STK40: variants seen among roughly 807,000 people sequenced by gnomAD.
STK40 encodes the protein serine/threonine kinase 40.
Under a neutral mutation model 47.9 loss-of-function variants are expected in STK40, and 13 were observed. That is an observed-to-expected ratio of 0.27 (90% CI 0.18 to 0.43). The LOEUF (loss-of-function observed/expected upper bound fraction) is 0.43. STK40 is among the 20% of genes least tolerant of loss of function. STK40 has a pLI of 1.00. For synonymous variants in STK40, 225 were observed against 243.2 expected (o/e 0.93, Z 0.69); for missense variants, 460 against 595.1 (o/e 0.77, Z 2.36).
intron 1 of STK40, among the ~76,000 whole-genome samples, chr1:36,371,903 CAGG>C (rs1300783551): frequency 3.3e-5 from 5 of 149,910 alleles, no homozygotes; most frequent in African/African-American, 9.9e-5. Context: ...GAGGCTGAGG[CAGG>C]AGAATTGCTT....
Position 36,341,824 on chromosome 1 carries a change from C to A in STK40, c.1239G>T (p.Leu413=). The A allele has an allele frequency of 3.1e-6, 5 of 1,613,458 alleles. No individual in the cohort carries two copies. Among genetic ancestry groups the A allele is most frequent in the Non-Finnish European group, 4.2e-6 (5 of 1,179,968 alleles). Reference sequence around the variant, plus strand: ...AGGTCATGGGCTGTGCGTCGTGGCCCAGCCGTCGCACCGGTGGTGCGCTGC... The same window carrying A: ...AGGTCATGGGCTGTGCGTCGTGGCCAAGCCGTCGCACCGGTGGTGCGCTGC... ...QFGSAPPVRR[L]GHDAQPMTSL... Residue 413 remains leucine, a synonymous_variant, in exon 11 of 11, where the codon CTG becomes CTT. Transcript: ENST00000373132.
chr1:36,351,367 T>C (rs1438102835), intron 6 of STK40, among the ~76,000 whole-genome samples: 1 of 152,118 alleles, frequency 6.6e-6, no homozygotes, highest in Non-Finnish European at 1.5e-5. Flanking sequence ...AGTGGAGTTA[T>C]AGCCTGGCAT....
chr1:36,345,266 G>C (rs1476691967), intron 7 of STK40, among the ~76,000 whole-genome samples: 1 of 152,224 alleles, frequency 6.6e-6, no homozygotes, highest in East Asian at 1.9e-4. Flanking sequence ...AGGCACCCTA[G>C]CGTCACCTCC....
Position 36,348,805 on chromosome 1 carries a change from T to A in STK40, c.634A>T (p.Ile212Leu). 2 of 1,604,154 alleles carry A rather than the reference T, an allele frequency of 1.2e-6. No individual in the cohort carries two copies. The highest frequency in any genetic ancestry group is 1.7e-6 in the Non-Finnish European group (2 of 1,174,924). Residue 212 changes from isoleucine (I) to leucine (L), a missense_variant, in exon 7 of 11, where the codon ATA (isoleucine) becomes TTA (leucine). Physicochemically the swap from Ile to Leu is conservative, Grantham distance 5. Coordinates refer to ENST00000373132, the MANE Select transcript of STK40 (RefSeq NM_001282547.2). ...CCGAGGCAGAAGTTGGTGATGGTTA[T>A]CCGATGTGTCCTAGGAGTGGGAGAC... ...NMVLNKRTHR[I>L]TITNFCLGKH... is the part of the protein sequence containing the mutation.
rs1304638309 is a variant in STK40, at chr1:36,339,665, G to A, written c.*2090C>T. On this transcript the variant is annotated 3_prime_UTR_variant, in exon 11 of 11. Transcript: ENST00000373132. ...AAGTTTTATTGCTGACATGCAGGAA[G>A]AGTCCCCATGTAGTACAAAAATATG... 2.0e-5 allele frequency: 3 copies of A among 152,728 alleles called. No individual in the cohort carries two copies. Among genetic ancestry groups the A allele is most frequent in the African/African-American group, 7.2e-5 (3 of 41,468 alleles). 9.5% of individuals were successfully genotyped at this position (152,728 alleles called of 1,614,324 possible). A position where few individuals can be genotyped will look rare whatever the true frequency, so the allele number is the denominator to read the frequency against.
At chr1:36,382,119 C>T (rs950836992) in intron 1 of STK40, among the ~76,000 whole-genome samples, 1 of 152,110 alleles carries the variant, frequency 6.6e-6, no homozygotes, top group African/African-American at 2.4e-5. Context: ...TATTCAGGTA[C>T]CAGACTAGGG....
Position 36,361,314 on chromosome 1 carries a change from C to G in STK40, c.19G>C (p.Asp7His). ...GCCGACGTTTCCCCAGCTCCTCTGT[C>G]TGATGCTCTCCGCTTCATTCTCAGC... MKRRAS[D>H]RGAGETSARA... Residue 7 changes from aspartate to histidine, a missense_variant, in exon 2 of 11, where the codon GAC (aspartate) becomes CAC (histidine). Physicochemically the swap from Asp to His is moderately conservative, Grantham distance 81 (BLOSUM62 -1). This residue lies in a region of STK40 where 277 missense variants were observed against 358.7 expected (regional missense o/e 0.77). Transcript: ENST00000373132. 1 of 1,614,260 alleles carries G rather than the reference C, an allele frequency of 6.2e-7. No individual in the cohort carries two copies. Among genetic ancestry groups the G allele is most frequent in the Non-Finnish European group, 8.5e-7 (1 of 1,180,050 alleles).
intron 1 of STK40, among the ~76,000 whole-genome samples, chr1:36,363,084 C>T (rs1646867510): frequency 6.6e-6 from 1 of 151,992 alleles, no homozygotes; most frequent in Non-Finnish European, 1.5e-5. Flanking sequence ...GAACCCAGGA[C>T]ACGGAGTCTA....
chr1:36,365,978 C>T (rs1646898312), intron 1 of STK40: 1 of 152,244 alleles, frequency 6.6e-6, no homozygotes. Context: ...TACCTTCCCT[C>T]CAGCTGGTGA....
intron 6 of STK40, among the ~76,000 whole-genome samples, chr1:36,351,041 A>T (rs1258175064): frequency 2.6e-5 from 4 of 152,158 alleles, no homozygotes; most frequent in Non-Finnish European, 4.4e-5. Context: ...AGTGGGACGG[A>T]GGGAGGGGAC....
intron 1 of STK40, among the ~76,000 whole-genome samples, chr1:36,370,651 G>A (rs1306993974): frequency 1.3e-5 from 2 of 152,144 alleles, no homozygotes; most frequent in African/African-American, 4.8e-5. Flanking sequence ...GTGAATTTCA[G>A]ACTTAAAACC....
chr1:36,364,762 C>T (rs569665004), intron 1 of STK40, among the ~76,000 whole-genome samples: 74 of 152,024 alleles, frequency 4.9e-4, no homozygotes, highest in African/African-American at 1.7e-3. Context: ...AGTTCGAGAC[C>T]AGCCTGGGCA....
chr1:36,351,311 T>C (rs535807255), intron 6 of STK40, among the ~76,000 whole-genome samples: 7 of 152,274 alleles, frequency 4.6e-5, no homozygotes, highest in Non-Finnish European at 1.0e-4. Context: ...CCTTGAGAGC[T>C]CTCTGCTCTG....
chr1:36,349,488 C>T (rs999741679), intron 6 of STK40, among the ~76,000 whole-genome samples: 1 of 152,222 alleles, frequency 6.6e-6, no homozygotes, highest in African/African-American at 2.4e-5. Context: ...ACCAGGTCTG[C>T]AGGGCCCCAG....
chr1:36,385,627 G>A (rs1402917733), intron 1 of STK40, 96 bp downstream of exon 1: 1 of 153,572 alleles, frequency 6.5e-6, no homozygotes, highest in Non-Finnish European at 1.4e-5. Context: ...GATGGCTTCA[G>A]GCTGTCACTC....
intron 2 of STK40, among the ~76,000 whole-genome samples, chr1:36,360,145 T>TGCCTGGCAAACAGCACAG (rs569082488): frequency 6.6e-6 from 1 of 152,208 alleles, no homozygotes; most frequent in Non-Finnish European, 1.5e-5. Context: ...CACTGCTGCA[T>TGCCTGGCAAACAGCACAG]GCCTGGCAAA....
chr1:36,356,533 C>T (rs1413698455), intron 4 of STK40, among the ~76,000 whole-genome samples: 1 of 146,604 alleles, frequency 6.8e-6, no homozygotes, highest in Non-Finnish European at 1.5e-5. Context: ...TCATGCCATT[C>T]TCCTGCCTCA....
chr1:36,375,656 A>G (rs1646986246), intron 1 of STK40, among the ~76,000 whole-genome samples: 1 of 152,226 alleles, frequency 6.6e-6, no homozygotes, highest in Non-Finnish European at 1.5e-5. Flanking sequence ...TTATCCTGTG[A>G]GAAAGGCAGT....
At chr1:36,371,010 G>T (rs1039102350) in intron 1 of STK40, among the ~76,000 whole-genome samples, 1 of 151,676 alleles carries the variant, frequency 6.6e-6, no homozygotes, top group Admixed American at 6.6e-5. Context: ...CTGAGTAGCT[G>T]GGATTACACG....
Sources: gnomAD v4.1 joint callset for allele counts (sites outside exome capture counted in the v4.1 genomes callset) on GRCh38, gnomAD v4.1.1 for gene constraint, gnomAD v4.1.1 regional missense constraint, MANE v1.5 for transcripts, NCBI Gene and HGNC (gene_info 2026-07-23, HGNC 2026-07-21) for gene names.